KCNQ1: variants seen among roughly 807,000 people sequenced by gnomAD.
KCNQ1 encodes potassium voltage-gated channel subfamily KQT member 1.
A neutral mutation model predicts 72.4 loss-of-function variants in KCNQ1; 49 were observed. That is an observed-to-expected ratio of 0.68 (90% confidence interval 0.54 to 0.86). The LOEUF (loss-of-function observed/expected upper bound fraction) is 0.86. KCNQ1 is among the 40% of genes least tolerant of loss of function. The pLI is 0.00. For missense variants in KCNQ1, 790 were observed against 945.1 expected, an observed-to-expected ratio of 0.84 and a Z score of 2.15; for synonymous variants, 450 against 412.6, an observed-to-expected ratio of 1.09 and a Z score of -1.10.
intron 11 of KCNQ1, among the ~76,000 whole-genome samples, chr11:2,733,814 A>ACACACACACACACACACTCTCTCTCTCT: frequency 1.2e-5 from 1 of 86,612 alleles, no homozygotes; most frequent in Non-Finnish European, 2.4e-5. Context: ...ACACACACAC[A>ACACACACACACACACACTCTCTCTCTCT]CTCTCTCACT....
At position 2,690,352 on chromosome 11, in the gene KCNQ1, C is replaced by T. The variant is rs142732695; in HGVS notation, c.1514+28271C>T. On this transcript the variant is annotated intron_variant, in intron 11 of 15. Transcript: ENST00000155840. This position sits in a 1 kb window ranked among gnomAD's most constrained non-coding sequence, Gnocchi z 5.1. The stretch of plus-strand genomic sequence containing the variant: ...CAAGTCTGAGGCTGCCCTGCAGCTG[C>T]TGTTTCCACTACTTGGCATGGAACA... 1,111 of 398,706 alleles carry T rather than the reference C, an allele frequency of 2.8e-3. 3 individuals carry two copies. Among genetic ancestry groups the T allele is most frequent in the Non-Finnish European group, 3.9e-3 (877 of 226,098 alleles). The allele number at this position is 398,706 out of a possible 1,614,324, so 24.7% of individuals were successfully genotyped here. A position where few individuals can be genotyped will look rare whatever the true frequency, so the allele number is the denominator to read the frequency against.
intron 1 of KCNQ1, among the ~76,000 whole-genome samples, chr11:2,499,162 G>C (rs1846968405): frequency 6.6e-6 from 1 of 152,158 alleles, no homozygotes; most frequent in Admixed American, 6.5e-5. Context: ...TTCCTATTCT[G>C]CCATCTTGCC....
intron 12 of KCNQ1, among the ~76,000 whole-genome samples, chr11:2,773,920 T>A (rs558788118): frequency 6.6e-6 from 1 of 151,618 alleles, no homozygotes; most frequent in Admixed American, 6.6e-5. Context: ...GCATCCCATC[T>A]TAAAGAAGAG....
chr11:2,594,920 G>T (rs1161757788), intron 10 of KCNQ1, among the ~76,000 whole-genome samples: 2 of 152,074 alleles, frequency 1.3e-5, no homozygotes, highest in Non-Finnish European at 2.9e-5. Context: ...ATTTCATTGT[G>T]GGTTTGCAAT....
At chr11:2,684,318 T>C (rs958823059) in intron 11 of KCNQ1, 4 of 398,504 alleles carry the variant, frequency 1.0e-5, no homozygotes, top group Non-Finnish European at 1.8e-5. Context: ...CTGCAGTCTC[T>C]CTCCTGAGGT....
intron 6 of KCNQ1, among the ~76,000 whole-genome samples, chr11:2,582,481 C>T (rs1388184470): frequency 6.6e-6 from 1 of 152,248 alleles, no homozygotes; most frequent in Admixed American, 6.5e-5. Context: ...CCAGCTGGGG[C>T]ATTCCTGGGC....
chr11:2,793,420 G>C (rs997177101), intron 15 of KCNQ1, among the ~76,000 whole-genome samples: 3 of 114,228 alleles, frequency 2.6e-5, no homozygotes, highest in Non-Finnish European at 6.6e-5. Flanking sequence ...AGGAGTTCAC[G>C]ACCACCCTGG....
At position 2,544,219 on chromosome 11, in the gene KCNQ1, C is replaced by T. The variant is rs964083626; in HGVS notation, c.477+16201C>T. On this transcript the variant is annotated intron_variant, in intron 2 of 15. Transcript: ENST00000155840. This position sits in a 1 kb window ranked among gnomAD's most constrained non-coding sequence, Gnocchi z 4.4. The stretch of plus-strand genomic sequence containing the variant: ...TGAATCCTCTGATCAATGAGATTAT[C>T]TATCTCATATATATATATGTGTGTG... 5.1e-4 allele frequency among the ~76,000 whole-genome samples: 75 copies of T among 146,724 alleles called. No homozygotes were observed. The highest frequency in any genetic ancestry group is 1.9e-3 in the African/African-American group (70 of 37,648).
At chr11:2,662,179 G>C in intron 11 of KCNQ1, 98 bp downstream of exon 11, 1 of 1,539,066 alleles carries the variant, frequency 6.5e-7, no homozygotes. Context: ...TGGCCAGAGT[G>C]CTATCTACTC....
Position 2,570,301 on chromosome 11 carries a change from C to A in KCNQ1, c.478-327C>A, listed in dbSNP as rs559064426. 2.4e-4 allele frequency among the ~76,000 whole-genome samples: 37 copies of A among 151,532 alleles called. 2 individuals are homozygous for A. The East Asian group carries it at 7.2e-3, about 29-fold the overall frequency. On this transcript the variant is annotated intron_variant, in intron 2 of 15. Coordinates refer to ENST00000155840, the MANE Select transcript of KCNQ1 (RefSeq NM_000218.3). ...GTTCCTGGCGTCGGACGCCCTCTGG[C>A]CCAAGCTGGGGTTCCTGGTGTGGGG...
rs941739081 is a variant in KCNQ1, at chr11:2,463,407, G to A, written c.386+17923G>A. Among the ~76,000 whole-genome samples the A allele has an allele frequency of 3.9e-5, 6 of 152,130 alleles. No individual in the cohort carries two copies. Among genetic ancestry groups the A allele is most frequent in the African/African-American group, 1.2e-4 (5 of 41,430 alleles). On this transcript the variant is annotated intron_variant, in intron 1 of 15. Coordinates refer to ENST00000155840, the MANE Select transcript of KCNQ1 (RefSeq NM_000218.3). This position sits in a 1 kb window ranked among gnomAD's most constrained non-coding sequence, Gnocchi z 7.0. ...GAGCCTGGTACAGCTGCACGGAGGC[G>A]CAGCACCCACAGGACAAGTGGTGGA...
At chr11:2,448,691 C>T (rs1003158343) in intron 1 of KCNQ1, among the ~76,000 whole-genome samples, 2 of 152,242 alleles carry the variant, frequency 1.3e-5, no homozygotes, top group Non-Finnish European at 2.9e-5. Flanking sequence ...GATCTGTCCA[C>T]CCACTCCTCA....
Position 2,625,501 on chromosome 11 carries a change from G to T in KCNQ1, c.1394-36460G>T, listed in dbSNP as rs1202850029. ...TGACTTGTATTTCCTAATGACTAGA[G>T]ATGTTAAACAACTTTTCACGTACTA... On this transcript the variant is annotated intron_variant, in intron 10 of 15. Coordinates refer to ENST00000155840, the MANE Select transcript of KCNQ1 (RefSeq NM_000218.3). The T allele has an allele frequency of 2.3e-5, 9 of 398,096 alleles. No homozygotes were observed. In the East Asian group the frequency reaches 2.9e-4, roughly 13 times the overall value. The allele number at this position is 398,096 out of a possible 1,614,324, so 24.7% of individuals were successfully genotyped here. A position where few individuals can be genotyped will look rare whatever the true frequency, so the allele number is the denominator to read the frequency against.
At chr11:2,727,386 C>A (rs1307364455) in intron 11 of KCNQ1, among the ~76,000 whole-genome samples, 1 of 152,164 alleles carries the variant, frequency 6.6e-6, no homozygotes, top group African/African-American at 2.4e-5. Context: ...AGGACGGCAC[C>A]CAAGGATCAT....
chr11:2,665,358 CA>C, intron 11 of KCNQ1: 1 of 398,222 alleles, frequency 2.5e-6, no homozygotes, highest in Non-Finnish European at 4.4e-6. Flanking sequence ...AGTTGGGGAG[CA>C]CCCCCATGAC....
intron 10 of KCNQ1, chr11:2,631,087 C>G (rs1030086423): frequency 2.5e-6 from 1 of 398,384 alleles, no homozygotes; most frequent in African/African-American, 2.1e-5. Flanking sequence ...AATTGTAATT[C>G]TTTGAGCTTC....
chr11:2,746,341 C>A lies in KCNQ1; in HGVS notation c.1515-22503C>A, dbSNP rs963869850. ...ATCTCACATTAGTATGCATTTGTCA[C>A]AAGGAAACAACAGTGCTACATGACT... On this transcript the variant is annotated intron_variant, in intron 11 of 15. Coordinates refer to ENST00000155840, the MANE Select transcript of KCNQ1 (RefSeq NM_000218.3). The surrounding 1 kb of genome is among the most constrained non-coding windows in gnomAD (Gnocchi z 5.9). Among the ~76,000 whole-genome samples the A allele has an allele frequency of 1.1e-4, 17 of 152,226 alleles. No homozygotes were observed. The highest frequency in any genetic ancestry group is 1.5e-5 in the Non-Finnish European group (1 of 68,044).
At chr11:2,476,999 T>A (rs1175256512) in intron 1 of KCNQ1, among the ~76,000 whole-genome samples, 1 of 152,252 alleles carries the variant, frequency 6.6e-6, no homozygotes. Flanking sequence ...CAGTTTTTAA[T>A]GTGACAGTAC....
Position 2,768,926 on chromosome 11 carries a change from C to T in KCNQ1, c.1590+7C>T, listed in dbSNP as rs1846544217. On this transcript the variant is annotated splice_region_variant and intron_variant, in intron 12 of 15. Coordinates refer to ENST00000155840, the MANE Select transcript of KCNQ1 (RefSeq NM_000218.3). This position sits in a 1 kb window ranked among gnomAD's most constrained non-coding sequence, Gnocchi z 6.7. ...GGCCAAGAAGAAATTCCAGGTAAGC[C>T]CTGTGCTGAGCCTTCCTGCCCTCAG... is the stretch of plus-strand genomic sequence containing the variant. 1.2e-6 allele frequency: 2 copies of T among 1,611,732 alleles called. No individual in the cohort carries two copies. Among genetic ancestry groups the T allele is most frequent in the Non-Finnish European group, 1.7e-6 (2 of 1,178,046 alleles).
Sources: gnomAD v4.1 joint callset for allele counts (sites outside exome capture counted in the v4.1 genomes callset) on GRCh38, gnomAD v4.1.1 for gene constraint, Gnocchi (gnomAD v3.1) non-coding constraint, MANE v1.5 for transcripts, NCBI Gene and HGNC (gene_info 2026-07-23, HGNC 2026-07-21) for gene names.